The following SATB1 variants were observed in gnomAD, a reference collection of about 807,000 sequenced individuals.
SATB1 encodes the protein SATB homeobox 1.
A neutral mutation model predicts 86.9 loss-of-function variants in SATB1; 11 were observed. The observed-to-expected ratio is 0.13, with a 90% CI of 0.08 to 0.21. The LOEUF is 0.21. Among genes scored for constraint, SATB1 ranks in the 10% least tolerant of loss-of-function variants. The probability of loss-of-function intolerance (pLI) is 1.00; values close to 1 mark genes in which losing one functional copy is unlikely to be tolerated. For missense variants in SATB1, 551 were observed against 937.6 expected, an observed-to-expected ratio of 0.59 and a Z score of 5.39; for synonymous variants, 357 against 357.2, an observed-to-expected ratio of 1.00 and a Z score of 0.01.
chr3:18,402,402 C>T (rs1204435201), intron 5 of SATB1, among the ~76,000 whole-genome samples: 1 of 152,082 alleles, frequency 6.6e-6, no homozygotes, highest in African/African-American at 2.4e-5. Context: ...CAAAACTGTT[C>T]ATGCTTTTCT....
At position 18,444,645 on chromosome 3, in the gene SATB1, G is replaced by A. The variant is rs1699332953; in HGVS notation, c.-25+873C>T. ...TTGGGGGCGGCGGTGGCTGTCGAGT[G>A]CGGGCCTGAAACCAAGAACGGCTCC... is the stretch of plus-strand genomic sequence containing the variant. On this transcript the variant is annotated intron_variant, in intron 1 of 3. Coordinates refer to the SATB1 transcript ENST00000415069. The surrounding 1 kb of genome is among the most constrained non-coding windows in gnomAD (Gnocchi z 5.1). 1.0e-6 allele frequency: 1 copy of A among 985,144 alleles called. No individual in the cohort carries two copies. Among genetic ancestry groups the A allele is most frequent in the Middle Eastern group, 5.2e-4 (1 of 1,916 alleles). The allele number at this position is 985,144 out of a possible 1,614,324, so 61.0% of individuals were successfully genotyped here.
chr3:18,400,399 T>C (rs1361443538), intron 5 of SATB1, among the ~76,000 whole-genome samples: 1 of 152,220 alleles, frequency 6.6e-6, no homozygotes, highest in Non-Finnish European at 1.5e-5. Flanking sequence ...TGTCACACAC[T>C]GGTAGTATGA....
chr3:18,366,509 T>C (rs147373985), intron 9 of SATB1, among the ~76,000 whole-genome samples: 23 of 152,226 alleles, frequency 1.5e-4, no homozygotes, highest in Admixed American at 1.1e-3. Context: ...CAGGCATCAA[T>C]TGAAAAGCAA....
At chr3:18,384,180 A>G (rs1696203546) in intron 8 of SATB1, among the ~76,000 whole-genome samples, 2 of 152,210 alleles carry the variant, frequency 1.3e-5, no homozygotes, top group African/African-American at 2.4e-5. Flanking sequence ...CAGTTAACCA[A>G]TAATTCAGGC....
At chr3:18,414,910 T>C in intron 5 of SATB1, 1 of 522,346 alleles carries the variant, frequency 1.9e-6, no homozygotes, top group Non-Finnish European at 3.3e-6. Flanking sequence ...TTGCCTCTTT[T>C]CCCCAAGGGA....
intron 9 of SATB1, among the ~76,000 whole-genome samples, chr3:18,370,483 G>A (rs1575102728): frequency 1.0e-5 from 1 of 99,504 alleles, no homozygotes; most frequent in East Asian, 3.5e-4. Flanking sequence ...CTGCTTTACT[G>A]TTAACTGACA....
At chr3:18,411,735 C>T (rs1697852717) in intron 5 of SATB1, among the ~76,000 whole-genome samples, 1 of 151,666 alleles carries the variant, frequency 6.6e-6, no homozygotes, top group Non-Finnish European at 1.5e-5. Flanking sequence ...TAACCTCAGA[C>T]CTATAATGAG....
At chr3:18,390,292 A>C (rs1052291896) in intron 7 of SATB1, among the ~76,000 whole-genome samples, 2 of 152,126 alleles carry the variant, frequency 1.3e-5, no homozygotes, top group Admixed American at 1.3e-4. Context: ...AGAAAATATG[A>C]TTTGATGAAA....
chr3:18,408,305 C>G (rs1380259598), intron 5 of SATB1, among the ~76,000 whole-genome samples: 2 of 151,926 alleles, frequency 1.3e-5, no homozygotes, highest in African/African-American at 4.8e-5. Flanking sequence ...GATGAAACTC[C>G]AGCACCCCGT....
chr3:18,398,370 T>A (rs1469459394), intron 5 of SATB1, among the ~76,000 whole-genome samples: 1 of 152,126 alleles, frequency 6.6e-6, no homozygotes, highest in Admixed American at 6.6e-5. Flanking sequence ...CACCAATCTA[T>A]CCCTCACCCC....
chr3:18,379,547 C>T (rs1244429506), intron 8 of SATB1, among the ~76,000 whole-genome samples: 1 of 152,070 alleles, frequency 6.6e-6, no homozygotes, highest in Non-Finnish European at 1.5e-5. Context: ...ATTTTTTTGG[C>T]ATTAAATGAT....
At chr3:18,408,313 C>T (rs181675734) in intron 5 of SATB1, among the ~76,000 whole-genome samples, 44 of 152,048 alleles carry the variant, frequency 2.9e-4, no homozygotes, top group African/African-American at 1.1e-3. Context: ...TCCAGCACCC[C>T]GTAAGACTGC....
chr3:18,391,466 G>T (rs1696667559), intron 7 of SATB1, among the ~76,000 whole-genome samples: 1 of 151,020 alleles, frequency 6.6e-6, no homozygotes, highest in South Asian at 2.1e-4. Context: ...CCGTGCTGGT[G>T]CGCTGCACCC....
intron 9 of SATB1, among the ~76,000 whole-genome samples, chr3:18,374,420 ATGTT>A (rs1695635017): frequency 6.6e-6 from 1 of 152,200 alleles, no homozygotes; most frequent in African/African-American, 2.4e-5. Context: ...ATCAGACTAA[ATGTT>A]TGATAAAATT....
intron 9 of SATB1, among the ~76,000 whole-genome samples, chr3:18,367,512 G>A (rs1157043718): frequency 6.6e-6 from 1 of 152,168 alleles, no homozygotes; most frequent in Non-Finnish European, 1.5e-5. Flanking sequence ...CACTTCTATT[G>A]ATTCTTCATC....
chr3:18,349,104 A>T lies in SATB1; in HGVS notation c.*66T>A, dbSNP rs967061417. The T allele has an allele frequency of 3.3e-5, 51 of 1,556,882 alleles. No individual in the cohort carries two copies. Among genetic ancestry groups the T allele is most frequent in the Non-Finnish European group, 4.3e-5 (50 of 1,154,744 alleles). ...CAACAAAGGTTTTCTGAGAGAAGAC[A>T]AGGTGGACTTTTCATTTTGTTAGTA... On this transcript the variant is annotated 3_prime_UTR_variant, in exon 11 of 11. Coordinates refer to ENST00000338745, the MANE Select transcript of SATB1 (RefSeq NM_002971.6). This position sits in a 1 kb window ranked among gnomAD's most constrained non-coding sequence, Gnocchi z 5.5.
chr3:18,400,945 G>C (rs9867904), intron 5 of SATB1, among the ~76,000 whole-genome samples: 51,699 of 152,134 alleles, frequency 0.34, 9,530 homozygotes, highest in Admixed American at 0.47. Context: ...GGTGTTTTCT[G>C]AAGCTGGCCT....
chr3:18,366,529 A>G (rs1184211913), intron 9 of SATB1, among the ~76,000 whole-genome samples: 1 of 152,168 alleles, frequency 6.6e-6, no homozygotes, highest in East Asian at 1.9e-4. Flanking sequence ...AACAAAAAAG[A>G]GACATATTTA....
chr3:18,398,942 T>A (rs1559435069), intron 5 of SATB1, among the ~76,000 whole-genome samples: 1 of 152,166 alleles, frequency 6.6e-6, no homozygotes, highest in Admixed American at 6.5e-5. Flanking sequence ...TACTCTCTTG[T>A]AATAAGGGAT....
Sources: allele counts gnomAD v4.1 joint callset (sites outside exome capture counted in the v4.1 genomes callset), GRCh38; gene constraint gnomAD v4.1.1; non-coding constraint Gnocchi (gnomAD v3.1); transcripts MANE v1.5; gene names NCBI Gene and HGNC (gene_info 2026-07-23, HGNC 2026-07-21).